SIM1: variants seen among roughly 807,000 people sequenced by gnomAD.
The protein encoded by SIM1 is SIM bHLH transcription factor 1.
Under a neutral mutation model 78.2 loss-of-function variants are expected in SIM1, and 18 were observed. The observed-to-expected ratio is 0.23, with a 90% CI of 0.16 to 0.34. The LOEUF is 0.34. Ranked by LOEUF, SIM1 falls within the 10% of genes least tolerant of loss-of-function variation. SIM1 has a pLI of 1.00. For synonymous variants in SIM1, 417 were observed against 385.2 expected, an observed-to-expected ratio of 1.08 and a Z score of -0.97; for missense variants, 939 against 975.1, an observed-to-expected ratio of 0.96 and a Z score of 0.49.
In SIM1 at chr6:100,393,708, G is replaced by C; in HGVS notation, c.1349C>G (p.Ala450Gly). The change falls in exon 11 of 12, where the codon GCG becomes GGG. Residue 450 changes from alanine (A) to glycine (G), a missense_variant. Ala to Gly is a moderately conservative substitution (Grantham distance 60, BLOSUM62 0). Coordinates refer to ENST00000369208, the MANE Select transcript of SIM1 (RefSeq NM_005068.3). ...TTCCACCAGCCTCGAGTGGTCAAGC[G>C]CAAAGCCATAGCAGAGAGAGCTGCG... The part of the protein sequence containing the change: ...SDRSSLCYGF[A>G]LDHSRLVEER... 2 of 1,614,146 alleles carry C rather than the reference G, an allele frequency of 1.2e-6. No individual in the cohort carries two copies. The highest frequency in any genetic ancestry group is 2.2e-5 in the South Asian group (2 of 91,074).
At chr6:100,437,476 C>T (rs1582307234) in intron 9 of SIM1, 1 of 151,866 alleles carries the variant, frequency 6.6e-6, no homozygotes, top group East Asian at 1.9e-4. Context: ...ACCCATCATA[C>T]ATACGGCAGC....
In SIM1 at chr6:100,388,056, T is replaced by C. The variant is rs1341609027; in HGVS notation, c.*2305A>G. On this transcript the variant is annotated 3_prime_UTR_variant, in exon 12 of 12. Coordinates refer to ENST00000369208, the MANE Select transcript of SIM1 (RefSeq NM_005068.3). ...AAAACCTTTAGCATTCTTAAGACATTACTTCATGTTGCAAATTGATCAAAA... is the reference window on the plus strand; with the variant it reads ...AAAACCTTTAGCATTCTTAAGACATCACTTCATGTTGCAAATTGATCAAAA... 6.6e-6 allele frequency: 1 copy of C among 152,202 alleles called. No homozygotes were observed. Among genetic ancestry groups the C allele is most frequent in the Non-Finnish European group, 1.5e-5 (1 of 68,026 alleles). The allele number at this position is 152,202 out of a possible 1,614,324, so 9.4% of individuals were successfully genotyped here.
intron 9 of SIM1, among the ~76,000 whole-genome samples, chr6:100,422,357 C>A (rs1007074933): frequency 1.3e-5 from 2 of 152,098 alleles, no homozygotes; most frequent in Non-Finnish European, 2.9e-5. Context: ...GCAGCCACCA[C>A]AACACCTGGC....
chr6:100,453,611 G>C, intron 3 of SIM1, 151 bp downstream of exon 3: 1 of 573,408 alleles, frequency 1.7e-6, no homozygotes, highest in South Asian at 2.8e-5. Context: ...TGGGCTCTGA[G>C]AGGGCCACGT....
At chr6:100,459,953 G>A (rs189499637) in intron 2 of SIM1, among the ~76,000 whole-genome samples, 58 of 152,284 alleles carry the variant, frequency 3.8e-4, no homozygotes, top group Admixed American at 2.1e-3. Flanking sequence ...TAATACCAAA[G>A]ATTTATACAT....
chr6:100,455,483 C>T (rs1411598429), intron 2 of SIM1, among the ~76,000 whole-genome samples: 1 of 152,238 alleles, frequency 6.6e-6, no homozygotes, highest in Non-Finnish European at 1.5e-5. Flanking sequence ...AACCTATTCT[C>T]CTTCGTTTCT....
chr6:100,399,442 G>T (rs1187870232), intron 10 of SIM1, among the ~76,000 whole-genome samples: 2 of 152,040 alleles, frequency 1.3e-5, no homozygotes, highest in Non-Finnish European at 2.9e-5. Context: ...AATGACAAAA[G>T]CAGGAGTAGG....
At position 100,453,782 on chromosome 6, in the gene SIM1, G is replaced by C. The variant is rs1659024307; in HGVS notation, c.238C>G (p.Leu80Val). 2 of 1,611,844 alleles carry C rather than the reference G, an allele frequency of 1.2e-6. No homozygotes were observed. Among genetic ancestry groups the C allele is most frequent in the South Asian group, 1.1e-5 (1 of 90,776 alleles). ...TSPLDNVGRE[L>V]GSHLLQTLDG... ...TGTACCTGGAGCAGATGGGAGCCCA[G>C]TTCTCGGCCAACGTTGTCCAGGGGG... The change falls in exon 3 of 12, where the codon CTG (leucine) becomes GTG (valine). Residue 80 changes from leucine to valine, a missense_variant. Transcript: ENST00000369208.
intron 9 of SIM1, among the ~76,000 whole-genome samples, chr6:100,426,181 G>A (rs1771725320): frequency 6.6e-6 from 1 of 152,196 alleles, no homozygotes; most frequent in Admixed American, 6.5e-5. Context: ...CCTCAGCTCT[G>A]AAAGCAGTCT....
At chr6:100,400,729 G>C (rs1770894437) in intron 10 of SIM1, among the ~76,000 whole-genome samples, 1 of 152,060 alleles carries the variant, frequency 6.6e-6, no homozygotes, top group Admixed American at 6.5e-5. Context: ...ATAAATCCAT[G>C]GGTCCAAACT....
chr6:100,441,490 T>C (rs972928217), intron 9 of SIM1, among the ~76,000 whole-genome samples: 2 of 152,220 alleles, frequency 1.3e-5, no homozygotes, highest in African/African-American at 4.8e-5. Flanking sequence ...GCAATTTGCA[T>C]CACATCTGAC....
chr6:100,455,754 G>T (rs536008104), intron 2 of SIM1, among the ~76,000 whole-genome samples: 2 of 152,328 alleles, frequency 1.3e-5, no homozygotes, highest in African/African-American at 2.4e-5. Context: ...CTGGGGACAG[G>T]TCTCGCGCGG....
chr6:100,418,957 G>A (rs112860475), intron 10 of SIM1, among the ~76,000 whole-genome samples: 3,694 of 152,012 alleles, frequency 0.024, 143 homozygotes, highest in African/African-American at 0.084. Context: ...GCCTAAGGTC[G>A]GGAGTTCAAG....
rs374252955 is a variant in SIM1, at chr6:100,450,665, G to GTCTCTCTCTCTCTCTC, written c.259-325_259-310dup. On this transcript the variant is annotated intron_variant, in intron 3 of 11. Coordinates refer to ENST00000369208, the MANE Select transcript of SIM1 (RefSeq NM_005068.3). ...TACATCCATAAAACACACACACACTGTCTCTCTCTCTCTCTCTCTCTCTCT... is the reference window on the plus strand; with the variant it reads ...TACATCCATAAAACACACACACACTGTCTCTCTCTCTCTCTCTCTCTCTCTCTCTCTCTCTCTCTCT... 1.4e-3 allele frequency among the ~76,000 whole-genome samples: 165 copies of GTCTCTCTCTCTCTCTC among 117,286 alleles called. 1 individual carries two copies. The highest frequency in any genetic ancestry group is 1.5e-3 in the South Asian group (4 of 2,726). The allele number at this position is 117,286 out of a possible 152,430, so 76.9% of individuals were successfully genotyped here.
intron 10 of SIM1, among the ~76,000 whole-genome samples, chr6:100,410,174 T>C (rs931085558): frequency 6.6e-6 from 1 of 152,250 alleles, no homozygotes; most frequent in Non-Finnish European, 1.5e-5. Flanking sequence ...CACCATATAC[T>C]GCCAAATGAG....
At chr6:100,395,433 C>T (rs6938518) in intron 10 of SIM1, among the ~76,000 whole-genome samples, 1,880 of 152,248 alleles carry the variant, frequency 0.012, 39 homozygotes, top group African/African-American at 0.043. Flanking sequence ...AAAGCCTGCA[C>T]TTGAAACCAT....
At chr6:100,394,413 AT>A (rs1181064107) in intron 10 of SIM1, among the ~76,000 whole-genome samples, 1 of 152,024 alleles carries the variant, frequency 6.6e-6, no homozygotes, top group Non-Finnish European at 1.5e-5. Flanking sequence ...CTTTCCACGT[AT>A]TTTTTGGTTT....
chr6:100,398,857 G>C (rs1770833971), intron 10 of SIM1, among the ~76,000 whole-genome samples: 1 of 151,924 alleles, frequency 6.6e-6, no homozygotes, highest in South Asian at 2.1e-4. Context: ...GTTTTTCATA[G>C]AAGCTGCACC....
intron 10 of SIM1, among the ~76,000 whole-genome samples, chr6:100,416,874 C>A (rs1488994077): frequency 6.6e-6 from 1 of 151,908 alleles, no homozygotes; most frequent in Non-Finnish European, 1.5e-5. Context: ...CAGTTTAGAT[C>A]TTCATAGACT....
Sources: allele counts gnomAD v4.1 joint callset (sites outside exome capture counted in the v4.1 genomes callset), GRCh38; gene constraint gnomAD v4.1.1; transcripts MANE v1.5; gene names NCBI Gene and HGNC (gene_info 2026-07-23, HGNC 2026-07-21).